The following MCHR2 variants were observed in gnomAD, a reference collection of about 807,000 sequenced individuals.
MCHR2 encodes the protein melanin-concentrating hormone receptor 2.
A neutral mutation model predicts 24.8 loss-of-function variants in MCHR2; 15 were observed. That is an observed-to-expected ratio of 0.60 (90% CI 0.40 to 0.93). MCHR2 has a LOEUF of 0.93. Among genes scored for constraint, MCHR2 ranks in the 40% least tolerant of loss-of-function variants. The pLI is 0.00. For missense variants in MCHR2, 386 were observed against 408.7 expected, an observed-to-expected ratio of 0.94 and a Z score of 0.48; for synonymous variants, 151 against 147.6, an observed-to-expected ratio of 1.02 and a Z score of -0.17.
intron 5 of MCHR2, among the ~76,000 whole-genome samples, chr6:99,925,161 C>T (rs1196593792): frequency 6.6e-6 from 1 of 152,004 alleles, no homozygotes; most frequent in Non-Finnish European, 1.5e-5. Context: ...TGGTGATCTT[C>T]TTTGTCTCTT....
intron 1 of MCHR2, among the ~76,000 whole-genome samples, chr6:99,990,338 T>C (rs183908317): frequency 2.7e-4 from 41 of 151,828 alleles, no homozygotes; most frequent in Admixed American, 1.4e-3. Context: ...GTGGTTTCTA[T>C]CTGTCTCTCT....
intron 1 of MCHR2, among the ~76,000 whole-genome samples, chr6:99,967,300 G>A (rs1323868362): frequency 6.6e-6 from 1 of 151,966 alleles, no homozygotes; most frequent in Non-Finnish European, 1.5e-5. Context: ...ATGATGACTA[G>A]GACAAGCAAA....
intron 1 of MCHR2, among the ~76,000 whole-genome samples, chr6:99,963,840 C>T (rs1036357918): frequency 6.6e-6 from 1 of 151,584 alleles, no homozygotes. Context: ...ACAAGAAAGC[C>T]GAAAGTCAAG....
intron 5 of MCHR2, among the ~76,000 whole-genome samples, chr6:99,930,198 C>T (rs1191136158): frequency 1.1e-4 from 16 of 152,170 alleles, no homozygotes; most frequent in East Asian, 1.9e-4. Context: ...GGGTTTCTGC[C>T]GAGAGATCCG....
chr6:99,946,561 A>T (rs1401224263), intron 3 of MCHR2, among the ~76,000 whole-genome samples: 3 of 152,098 alleles, frequency 2.0e-5, no homozygotes, highest in African/African-American at 7.2e-5. Flanking sequence ...TCATTCATTC[A>T]TTCATCAATA....
At chr6:99,921,295 C>G (rs769507965) in intron 5 of MCHR2, 40 bp from the exon 6 acceptor site, 1 of 1,573,744 alleles carries the variant, frequency 6.4e-7, no homozygotes, top group Non-Finnish European at 8.6e-7. Context: ...TATAAACAAC[C>G]ATAGAAATTA....
chr6:99,953,565 G>A (rs1272656267), intron 2 of MCHR2, among the ~76,000 whole-genome samples: 1 of 151,978 alleles, frequency 6.6e-6, no homozygotes, highest in Non-Finnish European at 1.5e-5. Flanking sequence ...GAACTTATCT[G>A]AGCCATCTTT....
chr6:99,930,713 T>C (rs916986840), intron 5 of MCHR2, among the ~76,000 whole-genome samples: 7 of 152,278 alleles, frequency 4.6e-5, no homozygotes, highest in African/African-American at 1.7e-4. Context: ...CACTTCTCTG[T>C]ATTGGTTATT....
chr6:99,987,427 T>C (rs996849030), intron 1 of MCHR2, among the ~76,000 whole-genome samples: 5 of 152,212 alleles, frequency 3.3e-5, no homozygotes, highest in African/African-American at 1.2e-4. Flanking sequence ...TTTCACAGCA[T>C]ATAGTATGCC....
intron 3 of MCHR2, 122 bp from the exon 4 acceptor site, chr6:99,943,265 C>A: frequency 2.1e-6 from 1 of 468,220 alleles, no homozygotes. Context: ...ACACCTCTAT[C>A]AGGGCAAAAG....
chr6:99,985,575 G>C (rs1775753777), intron 1 of MCHR2, among the ~76,000 whole-genome samples: 1 of 151,862 alleles, frequency 6.6e-6, no homozygotes, highest in East Asian at 1.9e-4. Context: ...CATACACTGG[G>C]GAAGTACACC....
chr6:99,988,049 T>G (rs1775801480), intron 1 of MCHR2, among the ~76,000 whole-genome samples: 1 of 152,192 alleles, frequency 6.6e-6, no homozygotes, highest in Non-Finnish European at 1.5e-5. Context: ...TCATTTGATG[T>G]CCCAAGGGAT....
At chr6:99,992,929 C>T (rs886548042) in intron 1 of MCHR2, among the ~76,000 whole-genome samples, 1 of 152,100 alleles carries the variant, frequency 6.6e-6, no homozygotes, top group Non-Finnish European at 1.5e-5. Context: ...CCATCTCTAC[C>T]CACTAAGTTA....
At chr6:99,942,279 A>G (rs181801460) in intron 4 of MCHR2, among the ~76,000 whole-genome samples, 2 of 152,162 alleles carry the variant, frequency 1.3e-5, no homozygotes, top group Non-Finnish European at 2.9e-5. Flanking sequence ...GCTCTGAAGC[A>G]GAATCTGCTC....
chr6:99,956,160 T>C lies in MCHR2; in HGVS notation c.-13A>G, dbSNP rs776084721. The C allele has an allele frequency of 6.2e-7, 1 of 1,602,542 alleles. No individual in the cohort carries two copies. Among genetic ancestry groups the C allele is most frequent in the South Asian group, 1.1e-5 (1 of 88,914 alleles). On this transcript the variant is annotated 5_prime_UTR_variant, in exon 2 of 6. Coordinates refer to ENST00000281806, the MANE Select transcript of MCHR2 (RefSeq NM_001040179.2). ...GAAATGGATTCATTGTTCGTGGACT[T>C]TCCAGGGATTAAAGCTGTGAAGTAA...
At chr6:99,971,302 A>T (rs1775413307) in intron 1 of MCHR2, among the ~76,000 whole-genome samples, 1 of 149,866 alleles carries the variant, frequency 6.7e-6, no homozygotes, top group South Asian at 2.1e-4. Flanking sequence ...ATTCCTAGGT[A>T]TTTTATTCTC....
chr6:99,933,749 A>C (rs1774593584), intron 5 of MCHR2, among the ~76,000 whole-genome samples: 1 of 152,146 alleles, frequency 6.6e-6, no homozygotes, highest in Non-Finnish European at 1.5e-5. Context: ...ATGTTTAATA[A>C]ATGTAAGTGT....
At chr6:99,922,735 G>A (rs903224944) in intron 5 of MCHR2, among the ~76,000 whole-genome samples, 1 of 152,028 alleles carries the variant, frequency 6.6e-6, no homozygotes, top group African/African-American at 2.4e-5. Context: ...TTTCTATTCT[G>A]TTTCATTGGT....
intron 5 of MCHR2, among the ~76,000 whole-genome samples, chr6:99,929,566 T>C (rs1032941852): frequency 1.3e-5 from 2 of 151,986 alleles, no homozygotes; most frequent in African/African-American, 4.8e-5. Flanking sequence ...CTCTTCTTGT[T>C]GAATTGATCC....
Sources: gnomAD v4.1 joint callset for allele counts (sites outside exome capture counted in the v4.1 genomes callset) on GRCh38, gnomAD v4.1.1 for gene constraint, MANE v1.5 for transcripts, NCBI Gene and HGNC (gene_info 2026-07-23, HGNC 2026-07-21) for gene names.